The following ASTN2 variants were observed in gnomAD, a reference collection of about 807,000 sequenced individuals.
ASTN2 encodes astrotactin 2, also known as astrotactin-2.
In ASTN2, 54 loss-of-function variants were observed where a neutral mutation model predicts 139.8. The observed-to-expected ratio is 0.39, with a 90% CI of 0.31 to 0.48. The LOEUF (loss-of-function observed/expected upper bound fraction) is 0.48. ASTN2 is among the 20% of genes least tolerant of loss of function. The probability of loss-of-function intolerance (pLI) is 0.95; values close to 1 mark genes in which losing one functional copy is unlikely to be tolerated. For missense variants in ASTN2, 1,565 were observed against 1,725.1 expected (o/e 0.91, Z 1.64); for synonymous variants, 756 against 719.5 (o/e 1.05, Z -0.81).
intron 4 of ASTN2, among the ~76,000 whole-genome samples, chr9:117,131,148 A>C (rs1829818240): frequency 6.6e-6 from 1 of 152,198 alleles, no homozygotes; most frequent in African/African-American, 2.4e-5. Context: ...ATGTGGACCA[A>C]AAATAAAACC....
At chr9:116,662,027 T>A (rs73530828) in intron 16 of ASTN2, among the ~76,000 whole-genome samples, 7,260 of 145,796 alleles carry the variant, frequency 0.05, 211 homozygotes, top group African/African-American at 0.064. Flanking sequence ...AAGAAAAAAA[T>A]ATATATATAT....
At chr9:117,303,144 T>C (rs1163816280) in intron 1 of ASTN2, among the ~76,000 whole-genome samples, 1 of 152,120 alleles carries the variant, frequency 6.6e-6, no homozygotes, top group Non-Finnish European at 1.5e-5. Flanking sequence ...ACTTCACCCA[T>C]CCCTAATTCT....
chr9:117,315,918 G>T (rs755939671), intron 1 of ASTN2, among the ~76,000 whole-genome samples: 1 of 152,146 alleles, frequency 6.6e-6, no homozygotes, highest in Non-Finnish European at 1.5e-5. Flanking sequence ...ACAAAATTGT[G>T]GGCAGATGGT....
intron 20 of ASTN2, among the ~76,000 whole-genome samples, chr9:116,473,888 CA>C (rs1848897172): frequency 6.7e-6 from 1 of 149,220 alleles, no homozygotes; most frequent in South Asian, 2.1e-4. Flanking sequence ...GGCAACAGAG[CA>C]AGACTCTATC....
chr9:116,676,963 G>A (rs1432246290), intron 16 of ASTN2, among the ~76,000 whole-genome samples: 2 of 152,234 alleles, frequency 1.3e-5, no homozygotes, highest in African/African-American at 2.4e-5. Flanking sequence ...CACCTAGGAA[G>A]TTACCTTTGG....
chr9:117,075,103 T>A (rs1564414311), intron 5 of ASTN2, among the ~76,000 whole-genome samples: 1 of 152,212 alleles, frequency 6.6e-6, no homozygotes, highest in Non-Finnish European at 1.5e-5. Context: ...TTTCAGAAGA[T>A]GACTCTAGGG....
rs1847256713 is a variant in ASTN2 at position 116,424,611 on chromosome 9, G to C, written c.*1240C>G. On this transcript the variant is annotated 3_prime_UTR_variant, in exon 23 of 23. Transcript: ENST00000313400. ...ATTCCATCTTTTTTTTTTTTTTTAA[G>C]TTGTCACCTAGGCTGGAGTCCAGTG... 2.5e-5 allele frequency among the ~76,000 whole-genome samples: 3 copies of C among 120,758 alleles called. No individual in the cohort carries two copies. Among genetic ancestry groups the C allele is most frequent in the African/African-American group, 9.3e-5 (3 of 32,292 alleles). 79.2% of individuals were successfully genotyped at this position (120,758 alleles called of 152,430 possible).
intron 19 of ASTN2, among the ~76,000 whole-genome samples, chr9:116,598,277 A>G (rs1854689809): frequency 6.6e-6 from 1 of 152,166 alleles, no homozygotes; most frequent in Admixed American, 6.5e-5. Context: ...TGGTAAATAA[A>G]TCCAAGTCTG....
intron 2 of ASTN2, among the ~76,000 whole-genome samples, chr9:117,282,219 G>C (rs888352851): frequency 6.6e-6 from 1 of 152,156 alleles, no homozygotes; most frequent in Non-Finnish European, 1.5e-5. Flanking sequence ...AACGTACCTA[G>C]TATAGAATAG....
chr9:117,166,644 T>C (rs962212547), intron 3 of ASTN2, among the ~76,000 whole-genome samples: 1 of 152,132 alleles, frequency 6.6e-6, no homozygotes, highest in Non-Finnish European at 1.5e-5. Flanking sequence ...AGCTAAGAGC[T>C]ACACATCCTT....
intron 3 of ASTN2, among the ~76,000 whole-genome samples, chr9:117,207,843 T>C (rs1192188352): frequency 6.6e-6 from 1 of 152,122 alleles, no homozygotes; most frequent in African/African-American, 2.4e-5. Context: ...TGCACCACCA[T>C]CACCACAAAC....
chr9:116,968,867 C>T (rs1030336818), intron 10 of ASTN2, among the ~76,000 whole-genome samples: 5 of 147,102 alleles, frequency 3.4e-5, no homozygotes, highest in African/African-American at 5.0e-5. Context: ...CCACTGCACT[C>T]CAGCCTGGAT....
At chr9:117,177,636 A>G (rs941128393) in intron 3 of ASTN2, among the ~76,000 whole-genome samples, 1 of 152,236 alleles carries the variant, frequency 6.6e-6, no homozygotes, top group Non-Finnish European at 1.5e-5. Flanking sequence ...AGCAAATTGC[A>G]TCTTCTCAGT....
At chr9:117,078,852 C>T (rs964085790) in intron 5 of ASTN2, among the ~76,000 whole-genome samples, 4 of 152,186 alleles carry the variant, frequency 2.6e-5, no homozygotes, top group African/African-American at 4.8e-5. Flanking sequence ...TCTCCTGCCT[C>T]GGCCTCCCAA....
chr9:117,047,011 G>A (rs1056131244), intron 5 of ASTN2, among the ~76,000 whole-genome samples: 1 of 152,126 alleles, frequency 6.6e-6, no homozygotes, highest in Non-Finnish European at 1.5e-5. Context: ...CCGCCAATCT[G>A]CCTGCATATC....
At chr9:116,578,725 C>T (rs1853830679) in intron 19 of ASTN2, among the ~76,000 whole-genome samples, 1 of 148,442 alleles carries the variant, frequency 6.7e-6, no homozygotes, top group Non-Finnish European at 1.5e-5. Flanking sequence ...CCAAACTCTA[C>T]CTGTCCGACT....
chr9:116,449,419 T>C (rs1848108229), intron 20 of ASTN2, among the ~76,000 whole-genome samples: 1 of 151,918 alleles, frequency 6.6e-6, no homozygotes. Flanking sequence ...ATAAATAAAT[T>C]AGTAAAAATA....
At chr9:116,435,247 C>G (rs1298574943) in intron 22 of ASTN2, among the ~76,000 whole-genome samples, 1 of 152,206 alleles carries the variant, frequency 6.6e-6, no homozygotes, top group Non-Finnish European at 1.5e-5. Context: ...GGTCACACAA[C>G]AAGTAGGTGA....
Position 117,008,133 on chromosome 9 carries a change from C to G in ASTN2, c.1550G>C (p.Arg517Thr). Reference sequence around the variant, plus strand: ...GAGCTGCTCACAGGCATCTGTCGTCCTTTGTCCACAGAGGTCCCTCACCCA... The same window carrying G: ...GAGCTGCTCACAGGCATCTGTCGTCGTTTGTCCACAGAGGTCCCTCACCCA... ...SPWVRDLCGQRTTDACEQLCD... is the reference protein window; with the variant it reads ...SPWVRDLCGQTTTDACEQLCD... The change falls in exon 7 of 23, where the codon AGG becomes ACG. Residue 517 changes from arginine to threonine, a missense_variant. Physicochemically the swap from Arg to Thr is moderately conservative, Grantham distance 71. This residue lies in a region of ASTN2 where 503 missense variants were observed against 591.7 expected (regional missense o/e 0.85). Coordinates refer to ENST00000313400, the MANE Select transcript of ASTN2 (RefSeq NM_001365068.1). 1 of 1,609,378 alleles carries G rather than the reference C, an allele frequency of 6.2e-7. No homozygotes were observed. Among genetic ancestry groups the G allele is most frequent in the Non-Finnish European group, 8.5e-7 (1 of 1,177,774 alleles).
Sources: allele counts gnomAD v4.1 joint callset (sites outside exome capture counted in the v4.1 genomes callset), GRCh38; gene constraint gnomAD v4.1.1; regional missense constraint gnomAD v4.1.1; transcripts MANE v1.5; gene names NCBI Gene and HGNC (gene_info 2026-07-23, HGNC 2026-07-21).